The following TSPAN7 variants were observed in gnomAD, a reference collection of about 807,000 sequenced individuals.
The protein encoded by TSPAN7 is tetraspanin 7.
Under a neutral mutation model 17.6 loss-of-function variants are expected in TSPAN7, and 1 was observed. The observed-to-expected ratio is 0.06, with a 90% CI of 0.02 to 0.27. The LOEUF is 0.27. TSPAN7 is among the 10% of genes least tolerant of loss of function. The pLI is 1.00. For synonymous variants in TSPAN7, 78 were observed against 79.0 expected, an observed-to-expected ratio of 0.99 and a Z score of 0.07; for missense variants, 112 against 201.7, an observed-to-expected ratio of 0.56 and a Z score of 2.69.
At chrX:38,638,138 T>C (rs1041244552) in intron 1 of TSPAN7, among the ~76,000 whole-genome samples, 2 of 112,180 alleles carry the variant, frequency 1.8e-5, no homozygotes, top group Non-Finnish European at 3.8e-5. Flanking sequence ...TTCCTACAAC[T>C]GCACGTTAGG....
intron 1 of TSPAN7, among the ~76,000 whole-genome samples, chrX:38,594,564 T>A (rs1379168276): frequency 9.0e-6 from 1 of 111,636 alleles, no homozygotes; most frequent in Non-Finnish European, 1.9e-5. Flanking sequence ...ATATCTTTAG[T>A]TTCTGGTTTA....
chrX:38,608,628 T>C (rs2069399484), intron 1 of TSPAN7, among the ~76,000 whole-genome samples: 1 of 111,514 alleles, frequency 9.0e-6, no homozygotes, highest in South Asian at 3.7e-4. Context: ...CTTTATTACA[T>C]TTTATTTTTA....
intron 1 of TSPAN7, among the ~76,000 whole-genome samples, chrX:38,663,176 C>T (rs764833840): frequency 1.9e-5 from 2 of 106,863 alleles, no homozygotes; most frequent in African/African-American, 7.2e-5. Flanking sequence ...CACACACACA[C>T]ACACAGACAC....
chrX:38,682,524 C>T (rs187871925), intron 6 of TSPAN7, among the ~76,000 whole-genome samples: 262 of 112,622 alleles, frequency 2.3e-3, no homozygotes, highest in Middle Eastern at 4.6e-3. Context: ...AGTAGAAGAG[C>T]TTTTCTTCTT....
chrX:38,581,354 T>C (rs998671569), intron 1 of TSPAN7, among the ~76,000 whole-genome samples: 1 of 112,065 alleles, frequency 8.9e-6, no homozygotes, highest in African/African-American at 3.2e-5. Context: ...AGCCTCACAA[T>C]CATGGCGGAA....
At chrX:38,608,108 G>A (rs1213305897) in intron 1 of TSPAN7, 4 of 110,416 alleles carry the variant, frequency 3.6e-5, no homozygotes, top group African/African-American at 6.6e-5. Context: ...ATAAGTCGAA[G>A]TAAATTGGGG....
At position 38,652,131 on chromosome X, in the gene TSPAN7, C is replaced by A. The variant is rs763073619; in HGVS notation, c.82-13990C>A. Among the ~76,000 whole-genome samples, 6 of 111,899 alleles carry A rather than the reference C, an allele frequency of 5.4e-5. No homozygotes were observed. The South Asian group carries it at 2.3e-3, about 43-fold the overall frequency. On this transcript the variant is annotated intron_variant, in intron 1 of 7. Coordinates refer to ENST00000378482, the MANE Select transcript of TSPAN7 (RefSeq NM_004615.4). ...AATGTGTCAAAATTGTATGACCTATCGCTTCCTTTGAAGATCAAAGGAAAT... is the reference window on the plus strand; with the variant it reads ...AATGTGTCAAAATTGTATGACCTATAGCTTCCTTTGAAGATCAAAGGAAAT...
chrX:38,574,453 G>C (rs1327618620), intron 1 of TSPAN7, among the ~76,000 whole-genome samples: 1 of 111,341 alleles, frequency 9.0e-6, no homozygotes, highest in Non-Finnish European at 1.9e-5. Flanking sequence ...AAGAGAGGAA[G>C]GCATTTCATT....
At chrX:38,637,388 T>C (rs989555935) in intron 1 of TSPAN7, among the ~76,000 whole-genome samples, 1 of 112,329 alleles carries the variant, frequency 8.9e-6, no homozygotes, top group Non-Finnish European at 1.9e-5. Flanking sequence ...TCAAGGCCAG[T>C]CTATTCTAAA....
chrX:38,658,182 A>G (rs750989076), intron 1 of TSPAN7, among the ~76,000 whole-genome samples: 13 of 110,876 alleles, frequency 1.2e-4, no homozygotes, highest in Non-Finnish European at 2.5e-4. Context: ...TTTGTTTCCC[A>G]TAAGTCTTTT....
intron 1 of TSPAN7, among the ~76,000 whole-genome samples, chrX:38,661,028 A>G (rs1224961890): frequency 8.9e-6 from 1 of 111,832 alleles, no homozygotes; most frequent in African/African-American, 3.3e-5. Flanking sequence ...TGCACGCACA[A>G]AACAGCGTGG....
rs368091869 is a variant in TSPAN7, at chrX:38,638,354, A to G, written c.82-27767A>G. Among the ~76,000 whole-genome samples, 11 of 112,627 alleles carry G rather than the reference A, an allele frequency of 9.8e-5. No homozygotes were observed. The South Asian group carries it at 4.1e-3, about 42-fold the overall frequency. The stretch of plus-strand genomic sequence containing the variant: ...AAGGTTTTTCACACTGTGGGTTACA[A>G]AGATCATCTTAGTGAGTCATGATCA... On this transcript the variant is annotated intron_variant, in intron 1 of 7. Transcript: ENST00000378482.
At position 38,680,203 on chromosome X, in the gene TSPAN7, G is replaced by A. The variant is rs781115097; in HGVS notation, c.598-1001G>A. Reference sequence around the variant, plus strand: ...TTTTTCCTGCACACAGACTACAAATGTATATAGATACCACTTAATAGAAGA... The same window carrying A: ...TTTTTCCTGCACACAGACTACAAATATATATAGATACCACTTAATAGAAGA... On this transcript the variant is annotated intron_variant, in intron 5 of 7. Transcript: ENST00000378482. Among the ~76,000 whole-genome samples, 66 of 111,121 alleles carry A rather than the reference G, an allele frequency of 5.9e-4. 1 individual carries two copies. Among genetic ancestry groups the A allele is most frequent in the Non-Finnish European group, 1.0e-3 (55 of 52,965 alleles).
chrX:38,586,915 T>A (rs1330316926), intron 1 of TSPAN7, among the ~76,000 whole-genome samples: 1 of 112,752 alleles, frequency 8.9e-6, no homozygotes, highest in African/African-American at 3.2e-5. Flanking sequence ...ATTCTTCATT[T>A]TTTCCCTCTC....
intron 1 of TSPAN7, among the ~76,000 whole-genome samples, chrX:38,638,738 C>G (rs774115698): frequency 5.4e-5 from 6 of 111,628 alleles, no homozygotes; most frequent in Non-Finnish European, 7.5e-5. Flanking sequence ...ACTGCATGTT[C>G]TAAGGCAAGG....
intron 1 of TSPAN7, among the ~76,000 whole-genome samples, chrX:38,649,792 T>A (rs1417509645): frequency 8.9e-6 from 1 of 112,157 alleles, no homozygotes; most frequent in East Asian, 2.8e-4. Context: ...AGGAAAGGGA[T>A]AGCCAAGTCT....
At chrX:38,591,220 T>C (rs2069289502) in intron 1 of TSPAN7, among the ~76,000 whole-genome samples, 1 of 111,684 alleles carries the variant, frequency 9.0e-6, no homozygotes, top group Non-Finnish European at 1.9e-5. Flanking sequence ...ATTTTTGATA[T>C]GTTGTCTTTT....
chrX:38,679,210 G>GA (rs918616389), intron 5 of TSPAN7, among the ~76,000 whole-genome samples: 2 of 111,987 alleles, frequency 1.8e-5, no homozygotes, highest in African/African-American at 6.5e-5. Context: ...GAAGTGCCCA[G>GA]AAAAAAATCT....
chrX:38,623,009 C>T (rs1042968905), intron 1 of TSPAN7: 1 of 331,059 alleles, frequency 3.0e-6, no homozygotes, highest in African/African-American at 2.6e-5. Flanking sequence ...GACCTAAGTT[C>T]TATGGCTTTT....
Sources: gnomAD v4.1 joint callset for allele counts (sites outside exome capture counted in the v4.1 genomes callset) on GRCh38, gnomAD v4.1.1 for gene constraint, MANE v1.5 for transcripts, NCBI Gene and HGNC (gene_info 2026-07-23, HGNC 2026-07-21) for gene names.